Variants in MAML2 observed in about 807,000 individuals in gnomAD.
MAML2 encodes mastermind like transcriptional coactivator 2.
Under a neutral mutation model 96.1 loss-of-function variants are expected in MAML2, and 22 were observed. That is an observed-to-expected ratio of 0.23 (90% CI 0.16 to 0.33). The LOEUF (loss-of-function observed/expected upper bound fraction) is 0.33, where lower values mean the gene tolerates loss of function less well. MAML2 is among the 10% of genes least tolerant of loss of function. MAML2 has a pLI of 1.00. For synonymous variants in MAML2, 561 were observed against 521.3 expected, an observed-to-expected ratio of 1.08 and a Z score of -1.04; for missense variants, 1,367 against 1,392.4, an observed-to-expected ratio of 0.98 and a Z score of 0.29.
intron 1 of MAML2, among the ~76,000 whole-genome samples, chr11:96,121,308 TC>T (rs1354853184): frequency 6.6e-6 from 1 of 152,144 alleles, no homozygotes; most frequent in Non-Finnish European, 1.5e-5. Context: ...ACAGTATATT[TC>T]CACTGAGATA....
chr11:96,136,848 C>G (rs1860641670), intron 1 of MAML2, among the ~76,000 whole-genome samples: 1 of 152,158 alleles, frequency 6.6e-6, no homozygotes, highest in Admixed American at 6.5e-5. Flanking sequence ...GAGAAGAGAA[C>G]TGAATCAATA....
At chr11:96,247,604 A>G (rs1862528722) in intron 1 of MAML2, among the ~76,000 whole-genome samples, 1 of 152,156 alleles carries the variant, frequency 6.6e-6, no homozygotes, top group South Asian at 2.1e-4. Flanking sequence ...TAGGCAGAAG[A>G]TGGTGAAGAA....
At chr11:96,005,024 C>T (rs1858155113) in intron 2 of MAML2, among the ~76,000 whole-genome samples, 1 of 152,142 alleles carries the variant, frequency 6.6e-6, no homozygotes, top group African/African-American at 2.4e-5. Context: ...TTCTACCTAC[C>T]ACCATGGAAG....
intron 2 of MAML2, among the ~76,000 whole-genome samples, chr11:96,046,853 A>G (rs1230631255): frequency 6.6e-6 from 1 of 152,206 alleles, no homozygotes; most frequent in African/African-American, 2.4e-5. Flanking sequence ...TCACCCAGGA[A>G]GTTGACAGAG....
At position 95,991,690 on chromosome 11, in the gene MAML2, G is replaced by A. The variant is rs757477697; in HGVS notation, c.2173C>T (p.Pro725Ser). 16 of 1,613,520 alleles carry A rather than the reference G, an allele frequency of 9.9e-6. No homozygotes were observed. The highest frequency in any genetic ancestry group is 3.3e-5 in the South Asian group (3 of 91,080). The change falls in exon 3 of 5, where the codon CCC becomes TCC. Residue 725 changes from proline (P) to serine (S), a missense_variant. Coordinates refer to ENST00000524717, the MANE Select transcript of MAML2 (RefSeq NM_032427.4). ...QHSVVGQNTG[P>S]SPSPNPCSNP... ...GAGCAGGGGTTAGGACTTGGACTGG[G>A]GCCTGTGTTCTGGCCTACCACAGAG...
intron 2 of MAML2, among the ~76,000 whole-genome samples, chr11:95,993,678 CTTTCTT>C (rs1187291231): frequency 6.6e-6 from 1 of 152,154 alleles, no homozygotes; most frequent in Non-Finnish European, 1.5e-5. Flanking sequence ...ATTTCTTTCT[CTTTCTT>C]TAACTATGTG....
chr11:96,326,597 C>A (rs1430719867), intron 1 of MAML2, among the ~76,000 whole-genome samples: 2 of 151,820 alleles, frequency 1.3e-5, no homozygotes, highest in East Asian at 3.9e-4. Context: ...GAGTTCGAGA[C>A]CAGCCTGGCA....
intron 1 of MAML2, among the ~76,000 whole-genome samples, chr11:96,161,736 C>T (rs1238525367): frequency 3.3e-5 from 5 of 152,336 alleles, no homozygotes; most frequent in Middle Eastern, 3.4e-3. Context: ...GCGACTCCAC[C>T]GTTTGCACAG....
intron 1 of MAML2, among the ~76,000 whole-genome samples, chr11:96,272,654 T>TC (rs1344459841): frequency 5.9e-5 from 9 of 152,190 alleles, no homozygotes; most frequent in African/African-American, 2.2e-4. Context: ...CAAACACCAG[T>TC]ATTTGGCCTT....
At position 96,218,600 on chromosome 11, in the gene MAML2, G is replaced by A. The variant is rs565664529; in HGVS notation, c.513+122783C>T. Among the ~76,000 whole-genome samples the A allele has an allele frequency of 2.0e-5, 3 of 152,226 alleles. No homozygotes were observed. The South Asian group carries it at 6.2e-4, about 32-fold the overall frequency. On this transcript the variant is annotated intron_variant, in intron 1 of 4. Coordinates refer to ENST00000524717, the MANE Select transcript of MAML2 (RefSeq NM_032427.4). ...CCCATTGGTCTCATTTTAAAATGGA[G>A]CATATTTTATGGGAATGTATAATAC...
chr11:96,050,829 C>A (rs1029955248), intron 2 of MAML2, among the ~76,000 whole-genome samples: 1 of 152,182 alleles, frequency 6.6e-6, no homozygotes, highest in Non-Finnish European at 1.5e-5. Context: ...TAAGTAAAGG[C>A]AATTCCTTCA....
chr11:96,270,372 C>T (rs971195739), intron 1 of MAML2, among the ~76,000 whole-genome samples: 8 of 152,082 alleles, frequency 5.3e-5, no homozygotes, highest in African/African-American at 9.7e-5. Flanking sequence ...TGTAGTGGTG[C>T]GATCTTGGCT....
chr11:96,244,790 C>A (rs915352345), intron 1 of MAML2, among the ~76,000 whole-genome samples: 5 of 152,186 alleles, frequency 3.3e-5, no homozygotes, highest in Admixed American at 3.3e-4. Flanking sequence ...ATTCAACCAT[C>A]CACCCATTCA....
rs1862328306 is a variant in MAML2 at position 96,233,679 on chromosome 11, G to T, written c.513+107704C>A. ...CTGCCTCTGCCTCCTAAAGTGCTGGGATTACAGGCATAAGCTACCATGCCT... is the reference window on the plus strand; with the variant it reads ...CTGCCTCTGCCTCCTAAAGTGCTGGTATTACAGGCATAAGCTACCATGCCT... On this transcript the variant is annotated intron_variant, in intron 1 of 4. Transcript: ENST00000524717. 4.6e-5 allele frequency among the ~76,000 whole-genome samples: 7 copies of T among 152,252 alleles called. No individual in the cohort carries two copies. The South Asian group carries it at 1.4e-3, about 32-fold the overall frequency.
Position 96,169,932 on chromosome 11 carries a change from C to T in MAML2, c.514-76415G>A, listed in dbSNP as rs536386096. Among the ~76,000 whole-genome samples the T allele has an allele frequency of 2.6e-5, 4 of 152,344 alleles. No individual in the cohort carries two copies. The East Asian group carries it at 5.8e-4, about 22-fold the overall frequency. On this transcript the variant is annotated intron_variant, in intron 1 of 4. Transcript: ENST00000524717. ...CCTCCCAAAGTATTGGGATTGCAGG[C>T]GTGGGCCACCGTGCCCGACCAGTAA...
intron 1 of MAML2, among the ~76,000 whole-genome samples, chr11:96,204,729 T>C (rs1861872802): frequency 6.6e-6 from 1 of 152,262 alleles, no homozygotes; most frequent in African/African-American, 2.4e-5. Context: ...GGAATCTGCT[T>C]AAGTTCATAC....
chr11:96,150,635 G>A (rs150332062), intron 1 of MAML2, among the ~76,000 whole-genome samples: 1 of 152,222 alleles, frequency 6.6e-6, no homozygotes, highest in South Asian at 2.1e-4. Flanking sequence ...CACAGCTTTG[G>A]GGTCTTAGAG....
chr11:95,991,955 AG>A (rs1290623180), intron 2 of MAML2, among the ~76,000 whole-genome samples: 3 of 152,220 alleles, frequency 2.0e-5, no homozygotes, highest in African/African-American at 7.2e-5. Flanking sequence ...AGCTCCCATG[AG>A]GACTCTGATT....
At chr11:96,202,385 A>G (rs866496573) in intron 1 of MAML2, among the ~76,000 whole-genome samples, 1 of 151,632 alleles carries the variant, frequency 6.6e-6, no homozygotes, top group African/African-American at 2.4e-5. Flanking sequence ...ATGTTTCAGC[A>G]GTTTTATTGG....
Sources: gnomAD v4.1 joint callset for allele counts (sites outside exome capture counted in the v4.1 genomes callset) on GRCh38, gnomAD v4.1.1 for gene constraint, MANE v1.5 for transcripts, NCBI Gene and HGNC (gene_info 2026-07-23, HGNC 2026-07-21) for gene names.